GUCD1: variants seen among roughly 807,000 people sequenced by gnomAD.
The protein encoded by GUCD1 is guanylyl cyclase domain containing 1, also known as protein GUCD1.
A neutral mutation model predicts 28.3 loss-of-function variants in GUCD1; 17 were observed. The observed-to-expected ratio is 0.60, with a 90% CI of 0.41 to 0.90. The LOEUF (loss-of-function observed/expected upper bound fraction) is 0.90, where lower values mean the gene tolerates loss of function less well. GUCD1 is among the 40% of genes least tolerant of loss of function. GUCD1 has a pLI of 0.00. For missense variants in GUCD1, 279 were observed against 305.5 expected, an observed-to-expected ratio of 0.91 and a Z score of 0.65; for synonymous variants, 129 against 123.3, an observed-to-expected ratio of 1.05 and a Z score of -0.30.
intron 1 of GUCD1, among the ~76,000 whole-genome samples, chr22:24,553,702 A>C (rs996265947): frequency 2.6e-5 from 4 of 152,200 alleles, no homozygotes; most frequent in Non-Finnish European, 5.9e-5. Context: ...TCCAGCTATA[A>C]AATGTGGCAC....
chr22:24,555,294 A>C, upstream of GUCD1: 1 of 1,369,774 alleles, frequency 7.3e-7, no homozygotes, highest in Non-Finnish European at 9.4e-7. Flanking sequence ...GAGTGGCCCC[A>C]CCCTCTCGCC....
intron 1 of GUCD1, among the ~76,000 whole-genome samples, chr22:24,552,107 G>A (rs1391229148): frequency 1.3e-5 from 2 of 152,172 alleles, no homozygotes; most frequent in African/African-American, 4.8e-5. Flanking sequence ...CAAGGAACAG[G>A]CCTTTACCAG....
At position 24,554,929 on chromosome 22, in the gene GUCD1, G is replaced by T; in HGVS notation, c.43+20C>A. 1.3e-6 allele frequency: 2 copies of T among 1,550,938 alleles called. No homozygotes were observed. The highest frequency in any genetic ancestry group is 1.8e-6 in the Non-Finnish European group (2 of 1,135,240). On this transcript the variant is annotated intron_variant, in intron 1 of 5. Coordinates refer to ENST00000435822, the MANE Select transcript of GUCD1 (RefSeq NM_001284254.2). Reference sequence around the variant, plus strand: ...CTTTCGTTCCTAGGGTGAAGACTGGGCCCACAGAGAGGCACTGACCGGGCT... The same window carrying T: ...CTTTCGTTCCTAGGGTGAAGACTGGTCCCACAGAGAGGCACTGACCGGGCT...
chr22:24,548,006 T>A lies in GUCD1; in HGVS notation c.196A>T (p.Ile66Phe). ...AGGTAGGCCAGGTCGATGGTCCAGA[T>A]GCTCCTGGTCAGCTGCAGCTTCTGC... ...ALQKLQLTRSIWTIDLAYLMH... is the reference protein window; with the variant it reads ...ALQKLQLTRSFWTIDLAYLMH... Residue 66 changes from isoleucine to phenylalanine, a missense_variant, in exon 3 of 6, where the codon ATC becomes TTC. Physicochemically the swap from Ile to Phe is conservative, Grantham distance 21 (BLOSUM62 0). Coordinates refer to ENST00000435822, the MANE Select transcript of GUCD1 (RefSeq NM_001284254.2). The A allele has an allele frequency of 4.3e-6, 7 of 1,614,182 alleles. No homozygotes were observed. The highest frequency in any genetic ancestry group is 5.9e-6 in the Non-Finnish European group (7 of 1,180,016).
rs2044613712 is a variant in GUCD1, at chr22:24,542,320, C to T, written c.*686G>A. 1 of 152,302 alleles carries T rather than the reference C, an allele frequency of 6.6e-6. No homozygotes were observed. Among genetic ancestry groups the T allele is most frequent in the Non-Finnish European group, 1.5e-5 (1 of 68,108 alleles). 9.4% of individuals were successfully genotyped at this position (152,302 alleles called of 1,614,324 possible). A position where few individuals can be genotyped will look rare whatever the true frequency, so the allele number is the denominator to read the frequency against. On this transcript the variant is annotated 3_prime_UTR_variant, in exon 6 of 6. Transcript: ENST00000435822. ...ACCAGTGGGATCTAGGCCCGAGAGC[C>T]CTCCATCTGACAGAGCTGGAGGACC...
In GUCD1 at chr22:24,547,941, C is replaced by G; in HGVS notation, c.261G>C (p.Gln87His). The change falls in exon 3 of 6, where the codon CAG becomes CAC. Residue 87 changes from glutamine to histidine, a missense_variant. Transcript: ENST00000435822. ...TGTAGCCCTTGTCGACACCCAGGGT[C>G]TGGGTACAGAAGCGGTGCCTCACGC... is the stretch of plus-strand genomic sequence containing the variant. Reference protein sequence around the residue: ...HFGVRHRFCTQTLGVDKGYKN... With the variant: ...HFGVRHRFCTHTLGVDKGYKN... 1 of 1,614,200 alleles carries G rather than the reference C, an allele frequency of 6.2e-7. No individual in the cohort carries two copies.
At chr22:24,547,684 C>T in intron 3 of GUCD1, 1 of 539,482 alleles carries the variant, frequency 1.9e-6, no homozygotes, top group Non-Finnish European at 3.4e-6. Flanking sequence ...AGCCAGGACT[C>T]AGTACTCAGA....
chr22:24,542,079 C>A lies in GUCD1; in HGVS notation c.*927G>T, dbSNP rs1237343734. The A allele has an allele frequency of 6.6e-6, 1 of 152,282 alleles. No individual in the cohort carries two copies. Among genetic ancestry groups the A allele is most frequent in the African/African-American group, 2.4e-5 (1 of 41,462 alleles). The allele number at this position is 152,282 out of a possible 1,614,324, so 9.4% of individuals were successfully genotyped here. On this transcript the variant is annotated 3_prime_UTR_variant, in exon 6 of 6. Transcript: ENST00000435822. ...ATCCTGTGCAATCTGGTGTGAAGACCAGGTTGGGTGGGCAGCTGCAGGCTG... is the reference window on the plus strand; with the variant it reads ...ATCCTGTGCAATCTGGTGTGAAGACAAGGTTGGGTGGGCAGCTGCAGGCTG...
At chr22:24,545,581 T>C (rs375567337) in intron 4 of GUCD1, among the ~76,000 whole-genome samples, 9 of 151,870 alleles carry the variant, frequency 5.9e-5, no homozygotes, top group African/African-American at 1.7e-4. Flanking sequence ...GTGGTCATAG[T>C]ATGAATGGAG....
intron 4 of GUCD1, 45 bp downstream of exon 4, chr22:24,546,869 A>G (rs1232833779): frequency 6.6e-7 from 1 of 1,510,244 alleles, no homozygotes; most frequent in Non-Finnish European, 9.2e-7. Flanking sequence ...TCTGTGGGTG[A>G]GCAGGCATGA....
In GUCD1 at chr22:24,552,498, A is replaced by C. The variant is rs573397070; in HGVS notation, c.43+2451T>G. Among the ~76,000 whole-genome samples the C allele has an allele frequency of 1.3e-3, 197 of 152,296 alleles. 1 individual carries two copies. Among genetic ancestry groups the C allele is most frequent in the African/African-American group, 4.6e-3 (193 of 41,566 alleles). On this transcript the variant is annotated intron_variant, in intron 1 of 5. Transcript: ENST00000435822. ...GAAATAAACTTTTTTTAGGCCGTGC[A>C]CAGTGGCTCACGCCTGTAATCCAAG...
intron 2 of GUCD1, 47 bp downstream of exon 2, chr22:24,548,870 A>G (rs1023967391): frequency 6.4e-6 from 9 of 1,404,998 alleles, no homozygotes; most frequent in Non-Finnish European, 8.9e-6. Flanking sequence ...CCAGAGCAGA[A>G]GATGTAGATG....
chr22:24,550,140 T>C (rs189572141), intron 1 of GUCD1, among the ~76,000 whole-genome samples: 9 of 152,248 alleles, frequency 5.9e-5, no homozygotes, highest in African/African-American at 1.2e-4. Context: ...GGCTGTGGGC[T>C]GGGCAGCTGA....
At chr22:24,546,197 G>A (rs1218850224) in intron 4 of GUCD1, among the ~76,000 whole-genome samples, 1 of 151,860 alleles carries the variant, frequency 6.6e-6, no homozygotes, top group Admixed American at 6.6e-5. Context: ...TCCTGACCTC[G>A]TGATCCGCCC....
intron 5 of GUCD1, among the ~76,000 whole-genome samples, chr22:24,543,352 C>T (rs2044641596): frequency 2.0e-5 from 3 of 152,250 alleles, no homozygotes; most frequent in Middle Eastern, 3.4e-3. Context: ...GCCACATAGA[C>T]GGGGTAAGTC....
intron 4 of GUCD1, among the ~76,000 whole-genome samples, chr22:24,546,065 C>T (rs2044718511): frequency 1.3e-5 from 2 of 151,924 alleles, no homozygotes; most frequent in African/African-American, 4.8e-5. Flanking sequence ...GGGTTCAGGC[C>T]ATTCTCCTGC....
chr22:24,548,976 G>C lies in GUCD1; in HGVS notation c.69C>G (p.Pro23=). 1 of 1,584,294 alleles carries C rather than the reference G, an allele frequency of 6.3e-7. No homozygotes were observed. The highest frequency in any genetic ancestry group is 8.6e-7 in the Non-Finnish European group (1 of 1,165,078). Residue 23 remains proline, a synonymous_variant, in exon 2 of 6, where the codon CCC becomes CCG. Transcript: ENST00000435822. The part of the protein sequence containing the change: ...EPGDFVQLPV[P]VIQQLYHWDC... ...CCCAGTGGTAGAGCTGCTGGATGAC[G>C]GGCACAGGCAGTTGCACAAAGTCCC...
intron 4 of GUCD1, 148 bp downstream of exon 4, chr22:24,546,766 G>A (rs1208418253): frequency 5.4e-5 from 37 of 685,698 alleles, no homozygotes; most frequent in Non-Finnish European, 6.6e-5. Context: ...AAGGGGGCAA[G>A]TCAGTGCCCA....
Position 24,544,097 on chromosome 22 carries a change from G to C in GUCD1, c.387-14C>G, listed in dbSNP as rs759158423. ...ACACTCACTGTGCTGTGGGCGGGAG[G>C]GGGGTCAGCTGGTGCTGCTGGGCCC... On this transcript the variant is annotated splice_polypyrimidine_tract_variant and intron_variant, in intron 4 of 5. Transcript: ENST00000435822. 6.9e-6 allele frequency: 11 copies of C among 1,604,120 alleles called. 1 individual carries two copies. The South Asian group carries it at 8.8e-5, about 13-fold the overall frequency.
Sources: gnomAD v4.1 joint callset for allele counts (sites outside exome capture counted in the v4.1 genomes callset) on GRCh38, gnomAD v4.1.1 for gene constraint, MANE v1.5 for transcripts, NCBI Gene and HGNC (gene_info 2026-07-23, HGNC 2026-07-21) for gene names.